ACOX3: variants seen among roughly 807,000 people sequenced by gnomAD.
The protein encoded by ACOX3 is peroxisomal acyl-coenzyme A oxidase 3.
In ACOX3, 73 loss-of-function variants were observed where a neutral mutation model predicts 81.5. That is an observed-to-expected ratio of 0.90 (90% confidence interval 0.74 to 1.09). The LOEUF (loss-of-function observed/expected upper bound fraction) is 1.09. Ranked by LOEUF, ACOX3 falls within the 50% of genes least tolerant of loss-of-function variation. The pLI, the probability that ACOX3 is intolerant of heterozygous loss-of-function variation, is 0.00. For missense variants in ACOX3, 947 were observed against 928.0 expected (o/e 1.02, Z -0.27); for synonymous variants, 387 against 375.1 (o/e 1.03, Z -0.37).
downstream of ACOX3, chr4:8,366,249 G>C (rs1715435650): frequency 6.6e-6 from 1 of 152,320 alleles, no homozygotes; most frequent in Non-Finnish European, 1.5e-5. Flanking sequence ...GACTTGCTGG[G>C]TAGACTCTGC....
Position 8,408,665 on chromosome 4 carries a change from A to G in ACOX3, c.687+1547T>C, listed in dbSNP as rs566312090. 3.3e-5 allele frequency among the ~76,000 whole-genome samples: 5 copies of G among 152,242 alleles called. No individual in the cohort carries two copies. In the South Asian group the frequency reaches 1.0e-3, roughly 32 times the overall value. Reference sequence around the variant, plus strand: ...GTAACTATGATGCTGTGATAAATACATATTTGGCCTTGTCCCTGCTTCCCA... The same window carrying G: ...GTAACTATGATGCTGTGATAAATACGTATTTGGCCTTGTCCCTGCTTCCCA... On this transcript the variant is annotated intron_variant, in intron 6 of 17. Coordinates refer to ENST00000356406, the MANE Select transcript of ACOX3 (RefSeq NM_003501.3).
In ACOX3 at chr4:8,399,512, G is replaced by C. The variant is rs760387041; in HGVS notation, c.873+44C>G. 2 of 1,525,664 alleles carry C rather than the reference G, an allele frequency of 1.3e-6. No individual in the cohort carries two copies. The highest frequency in any genetic ancestry group is 9.1e-7 in the Non-Finnish European group (1 of 1,101,270). 94.5% of individuals were successfully genotyped at this position (1,525,664 alleles called of 1,614,324 possible). On this transcript the variant is annotated intron_variant, in intron 8 of 17. Coordinates refer to ENST00000356406, the MANE Select transcript of ACOX3 (RefSeq NM_003501.3). The surrounding 1 kb of genome is among the most constrained non-coding windows in gnomAD (Gnocchi z 4.9). The stretch of plus-strand genomic sequence containing the variant: ...ACAGAGCCAGGCCCTGCAGAGGAAG[G>C]CACCTGGGAAGCACGGCACACGAAC...
rs1380541870 is a variant in ACOX3, at chr4:8,374,893, C to T, written c.1828+85G>A. 2.0e-5 allele frequency: 28 copies of T among 1,387,792 alleles called. No individual in the cohort carries two copies. The Admixed American group carries it at 6.0e-4, about 30-fold the overall frequency. 86.0% of individuals were successfully genotyped at this position (1,387,792 alleles called of 1,614,324 possible). On this transcript the variant is annotated intron_variant, in intron 15 of 17. Transcript: ENST00000356406. ...CTCAGTGAGTCCCGTGGAAGGAGGACGATGGTGCAGGAAGCAGCTTCCTAG... is the reference window on the plus strand; with the variant it reads ...CTCAGTGAGTCCCGTGGAAGGAGGATGATGGTGCAGGAAGCAGCTTCCTAG...
intron 1 of ACOX3, among the ~76,000 whole-genome samples, chr4:8,420,843 C>G (rs1722864798): frequency 6.6e-6 from 1 of 152,200 alleles, no homozygotes; most frequent in Non-Finnish European, 1.5e-5. Flanking sequence ...AGTGAGGCAC[C>G]CATTGCTGCT....
chr4:8,359,066 T>C, the ACOX3 span, among the ~76,000 whole-genome samples: 7 of 152,282 alleles, frequency 4.6e-5, no homozygotes, highest in South Asian at 1.5e-3. The surrounding 1 kb of genome is among the most constrained non-coding windows in gnomAD (Gnocchi z 6.0). Context: ...AGGTTTACTT[T>C]GGTTAAGTGA....
In ACOX3 at chr4:8,416,464, G is replaced by GC; in HGVS notation, c.57dup (p.Pro20AlafsTer29). The GC allele has an allele frequency of 6.2e-7, 1 of 1,614,004 alleles. No individual in the cohort carries two copies. The highest frequency in any genetic ancestry group is 1.1e-5 in the South Asian group (1 of 91,054). On this transcript the variant is annotated frameshift_variant, in exon 2 of 18. Coordinates refer to ENST00000356406, the MANE Select transcript of ACOX3 (RefSeq NM_003501.3). LOFTEE classifies it high-confidence loss of function. This position sits in a 1 kb window ranked among gnomAD's most constrained non-coding sequence, Gnocchi z 4.2. ...GCTCTTGCTCGGTAGGCATCGAGGG[G>GC]CCCCCTGGGGAATTCTGGGAGCAGA...
At position 8,399,023 on chromosome 4, in the gene ACOX3, A is replaced by G. The variant is rs1427888038; in HGVS notation, c.873+533T>C. Among the ~76,000 whole-genome samples the G allele has an allele frequency of 6.6e-6, 1 of 152,054 alleles. No homozygotes were observed. The highest frequency in any genetic ancestry group is 2.4e-5 in the African/African-American group (1 of 41,398). On this transcript the variant is annotated intron_variant, in intron 8 of 17. Coordinates refer to ENST00000356406, the MANE Select transcript of ACOX3 (RefSeq NM_003501.3). This position sits in a 1 kb window ranked among gnomAD's most constrained non-coding sequence, Gnocchi z 4.9. Reference sequence around the variant, plus strand: ...TTTTCCATCCGTGCTTCCTGATGTCAGATGCTGCATGCTGCTGGGGACTGT... The same window carrying G: ...TTTTCCATCCGTGCTTCCTGATGTCGGATGCTGCATGCTGCTGGGGACTGT...
rs568665848 is a variant in ACOX3 at position 8,369,599 on chromosome 4, C to T, written c.1983+1309G>A. ...AACTCTCACCTCCTGCCCTGCCCAC[C>T]CGGCTCCTGGCACTACCTGCCTCTT... On this transcript the variant is annotated intron_variant, in intron 17 of 17. Coordinates refer to ENST00000356406, the MANE Select transcript of ACOX3 (RefSeq NM_003501.3). Among the ~76,000 whole-genome samples the T allele has an allele frequency of 1.4e-4, 21 of 152,320 alleles. No individual in the cohort carries two copies. In the South Asian group the frequency reaches 4.1e-3, roughly 30 times the overall value.
In ACOX3 at chr4:8,419,624, G is replaced by A. The variant is rs1001907832; in HGVS notation, c.-14-3089C>T. ...ACATGACTCAGCAATTCCACTCTGA[G>A]GTATGTACGCAAGAGAACCGAAAAC... On this transcript the variant is annotated intron_variant, in intron 1 of 17. Coordinates refer to ENST00000356406, the MANE Select transcript of ACOX3 (RefSeq NM_003501.3). The surrounding 1 kb of genome is among the most constrained non-coding windows in gnomAD (Gnocchi z 4.2). 1.8e-4 allele frequency among the ~76,000 whole-genome samples: 28 copies of A among 152,104 alleles called. No individual in the cohort carries two copies. Among genetic ancestry groups the A allele is most frequent in the African/African-American group, 6.5e-4 (27 of 41,396 alleles).
In ACOX3 at chr4:8,389,554, AC is replaced by A; in HGVS notation, c.1423+57del. On this transcript the variant is annotated intron_variant, in intron 12 of 17. Coordinates refer to ENST00000356406, the MANE Select transcript of ACOX3 (RefSeq NM_003501.3). This position sits in a 1 kb window ranked among gnomAD's most constrained non-coding sequence, Gnocchi z 5.3. ...CAGCTGAATCAGTGAGGCCAGGAGA[AC>A]CCACCCCTGCCCCAGTTGGGTTCCA... 1 of 1,609,376 alleles carries A rather than the reference AC, an allele frequency of 6.2e-7. No individual in the cohort carries two copies. The highest frequency in any genetic ancestry group is 2.2e-5 in the East Asian group (1 of 44,808).
At chr4:8,429,274 A>G (rs554212591) in intron 1 of ACOX3, among the ~76,000 whole-genome samples, 1 of 152,362 alleles carries the variant, frequency 6.6e-6, no homozygotes, top group African/African-American at 2.4e-5. Flanking sequence ...GCTAACGCTT[A>G]AAGTTCTCTC....
At chr4:8,421,282 T>A (rs113860733) in intron 1 of ACOX3, among the ~76,000 whole-genome samples, 3,863 of 152,344 alleles carry the variant, frequency 0.025, 158 homozygotes, top group African/African-American at 0.087. Flanking sequence ...GACTTAAGAC[T>A]CAGGTGTGAG....
Position 8,399,344 on chromosome 4 carries a change from C to G in ACOX3, c.873+212G>C, listed in dbSNP as rs535368291. On this transcript the variant is annotated intron_variant, in intron 8 of 17. Coordinates refer to ENST00000356406, the MANE Select transcript of ACOX3 (RefSeq NM_003501.3). The surrounding 1 kb of genome is among the most constrained non-coding windows in gnomAD (Gnocchi z 4.9). ...GTGGGCATTGTAAGGCCCGGACTCACCCCCTGGACACCAGCACCTGGTGCT... is the reference window on the plus strand; with the variant it reads ...GTGGGCATTGTAAGGCCCGGACTCAGCCCCTGGACACCAGCACCTGGTGCT... Among the ~76,000 whole-genome samples the G allele has an allele frequency of 6.6e-6, 1 of 152,204 alleles. No individual in the cohort carries two copies. Among genetic ancestry groups the G allele is most frequent in the South Asian group, 2.1e-4 (1 of 4,830 alleles).
the ACOX3 span, chr4:8,356,999 G>A: frequency 2.2e-6 from 1 of 456,620 alleles, no homozygotes; most frequent in Admixed American, 2.3e-5. Context: ...ATGAGGGGAA[G>A]GAAGTGTGCA....
chr4:8,413,866 G>A (rs1355250075), intron 5 of ACOX3, among the ~76,000 whole-genome samples: 1 of 152,268 alleles, frequency 6.6e-6, no homozygotes, highest in East Asian at 1.9e-4. Flanking sequence ...GGACAAGGCA[G>A]GCTCTTCGCA....
At position 8,416,651 on chromosome 4, in the gene ACOX3, A is replaced by G; in HGVS notation, c.-14-116T>C. 1 of 1,173,400 alleles carries G rather than the reference A, an allele frequency of 8.5e-7. No individual in the cohort carries two copies. The allele number at this position is 1,173,400 out of a possible 1,614,324, so 72.7% of individuals were successfully genotyped here. On this transcript the variant is annotated intron_variant, in intron 1 of 17. Transcript: ENST00000356406. This position sits in a 1 kb window ranked among gnomAD's most constrained non-coding sequence, Gnocchi z 4.2. ...TCAGAGAAAAGTAAACTTGAAATCC[A>G]AAAGGATGGCAAAAGAGAATCACTC...
intron 5 of ACOX3, among the ~76,000 whole-genome samples, chr4:8,411,473 G>A (rs190407933): frequency 6.6e-6 from 1 of 152,192 alleles, no homozygotes; most frequent in Non-Finnish European, 1.5e-5. Context: ...TTCTCTCAGG[G>A]GACCACCAGC....
intron 17 of ACOX3, among the ~76,000 whole-genome samples, chr4:8,369,541 G>C (rs941313694): frequency 3.3e-5 from 5 of 152,216 alleles, no homozygotes; most frequent in African/African-American, 1.2e-4. Context: ...GCCCTCTGCA[G>C]AGATGACCAT....
rs531694136 is a variant in ACOX3, at chr4:8,370,875, G to A, written c.1983+33C>T. On this transcript the variant is annotated intron_variant, in intron 17 of 17. Transcript: ENST00000356406. This position sits in a 1 kb window ranked among gnomAD's most constrained non-coding sequence, Gnocchi z 6.3. The stretch of plus-strand genomic sequence containing the variant: ...CCGCAGAAATGCCCATCAACCCTTG[G>A]GGCACTCCCGTGAGGCCCTGTCCTC... The A allele has an allele frequency of 6.3e-7, 1 of 1,595,740 alleles. No individual in the cohort carries two copies. The highest frequency in any genetic ancestry group is 8.6e-7 in the Non-Finnish European group (1 of 1,164,846).
Sources: gnomAD v4.1 joint callset for allele counts (sites outside exome capture counted in the v4.1 genomes callset) on GRCh38, gnomAD v4.1.1 for gene constraint, Gnocchi (gnomAD v3.1) non-coding constraint, MANE v1.5 for transcripts, NCBI Gene and HGNC (gene_info 2026-07-23, HGNC 2026-07-21) for gene names.